The following WDR73 variants were observed in gnomAD, a reference collection of about 807,000 sequenced individuals.
The protein encoded by WDR73 is integrator complex assembly factor WDR73.
Under a neutral mutation model 38.2 loss-of-function variants are expected in WDR73, and 30 were observed. The observed-to-expected ratio is 0.79, with a 90% CI of 0.59 to 1.06. WDR73 has a LOEUF of 1.06. WDR73 is among the 50% of genes least tolerant of loss of function. The pLI, the probability that WDR73 is intolerant of heterozygous loss-of-function variation, is 0.00. For missense variants in WDR73, 487 were observed against 467.0 expected (o/e 1.04, Z -0.40); for synonymous variants, 197 against 176.0 (o/e 1.12, Z -0.94).
At chr15:84,646,707 A>T (rs984980140) in intron 5 of WDR73, 1 of 205,680 alleles carries the variant, frequency 4.9e-6, no homozygotes, top group African/African-American at 2.3e-5. Context: ...GCGACAAGAA[A>T]CAGGTACAGA....
In WDR73 at chr15:84,652,821, G is replaced by GTT; in HGVS notation, c.110-20_110-19insAA. ...AAGACTCCTGGAAAAAGAAGCAGAG[G>GTT]TAGCTGTCACAAATTGTTAGAAAGA... On this transcript the variant is annotated intron_variant, in intron 2 of 7. Transcript: ENST00000434634. The GTT allele has an allele frequency of 6.8e-7, 1 of 1,463,454 alleles. No homozygotes were observed. Among genetic ancestry groups the GTT allele is most frequent in the Non-Finnish European group, 9.2e-7 (1 of 1,089,128 alleles). 90.7% of individuals were successfully genotyped at this position (1,463,454 alleles called of 1,614,324 possible).
At chr15:84,648,768 T>A (rs1197566754) in intron 3 of WDR73, 143 bp from the exon 4 acceptor site, 3 of 661,244 alleles carry the variant, frequency 4.5e-6, no homozygotes, top group African/African-American at 3.6e-5. Context: ...GTCCTGGTAT[T>A]TGGCAATGTT....
At chr15:84,651,230 G>A (rs1896614501) in intron 3 of WDR73, among the ~76,000 whole-genome samples, 1 of 152,074 alleles carries the variant, frequency 6.6e-6, no homozygotes, top group African/African-American at 2.4e-5. Flanking sequence ...TTCGAGACCA[G>A]CCTGGCCAAC....
At chr15:84,648,658 G>C (rs755659280) in intron 3 of WDR73, 33 bp from the exon 4 acceptor site, 2 of 1,528,848 alleles carry the variant, frequency 1.3e-6, no homozygotes, top group African/African-American at 2.7e-5. Flanking sequence ...ATCAGAGCCA[G>C]CTCTTCAAAT....
chr15:84,649,886 G>C (rs1896573229), intron 3 of WDR73, among the ~76,000 whole-genome samples: 1 of 152,170 alleles, frequency 6.6e-6, no homozygotes, highest in South Asian at 2.1e-4. Flanking sequence ...TGGGATTACA[G>C]GTGTGAGTCA....
chr15:84,652,524 G>A (rs1896656053), intron 3 of WDR73, among the ~76,000 whole-genome samples, 190 bp downstream of exon 3: 1 of 152,122 alleles, frequency 6.6e-6, no homozygotes, highest in East Asian at 1.9e-4. Flanking sequence ...ATAGCCCTCT[G>A]TAAACCACGA....
At chr15:84,643,764 AT>A (rs1896350608) in intron 7 of WDR73, 41 bp from the exon 8 acceptor site, 6 of 1,531,738 alleles carry the variant, frequency 3.9e-6, no homozygotes, top group Non-Finnish European at 5.2e-6. Context: ...TGAGTCCCTA[AT>A]TTTATTTTAA....
chr15:84,647,802 CCTT>C (rs1346899850), intron 5 of WDR73, 85 bp downstream of exon 5: 10 of 1,322,376 alleles, frequency 7.6e-6, no homozygotes, highest in Admixed American at 3.4e-5. Context: ...GCCTGAGTCT[CCTT>C]CTTAACTGGC....
At position 84,653,712 on chromosome 15, in the gene WDR73, G is replaced by C; in HGVS notation, c.42-13C>G. The stretch of plus-strand genomic sequence containing the variant: ...GAAATCCTGGTACCTGCACAAAAGG[G>C]ACACAGAATCACACGATGCACAGCA... On this transcript the variant is annotated splice_polypyrimidine_tract_variant and intron_variant, in intron 1 of 7. Transcript: ENST00000434634. 6.3e-7 allele frequency: 1 copy of C among 1,580,074 alleles called. No individual in the cohort carries two copies. Among genetic ancestry groups the C allele is most frequent in the Non-Finnish European group, 8.6e-7 (1 of 1,161,400 alleles).
chr15:84,648,698 G>C, intron 3 of WDR73, 73 bp from the exon 4 acceptor site: 2 of 1,229,836 alleles, frequency 1.6e-6, no homozygotes, highest in South Asian at 2.4e-5. Context: ...TAAGTGAGGA[G>C]TCAGGTCCTA....
chr15:84,645,198 T>TC, intron 7 of WDR73: 1 of 1,322,656 alleles, frequency 7.6e-7, no homozygotes, highest in Non-Finnish European at 9.7e-7. Context: ...CCGATGTCTG[T>TC]CCCAGTGTCT....
intron 3 of WDR73, among the ~76,000 whole-genome samples, chr15:84,649,536 C>T (rs1236689395): frequency 6.6e-6 from 1 of 150,850 alleles, no homozygotes; most frequent in Non-Finnish European, 1.5e-5. Flanking sequence ...GTGGCGTGAT[C>T]TTGGCTCACT....
At chr15:84,645,412 C>T in intron 7 of WDR73, 59 bp downstream of exon 7, 1 of 1,599,162 alleles carries the variant, frequency 6.3e-7, no homozygotes, top group African/African-American at 1.3e-5. Flanking sequence ...TCCTGAGCAC[C>T]CAACAGTCTC....
At chr15:84,644,053 T>A (rs564877465) in intron 7 of WDR73, 1 of 274,132 alleles carries the variant, frequency 3.6e-6, no homozygotes, top group South Asian at 4.2e-5. Flanking sequence ...ACCATGAGCA[T>A]CCGTTGTGCA....
intron 7 of WDR73, chr15:84,645,190 G>C: frequency 3.9e-6 from 5 of 1,289,316 alleles, no homozygotes; most frequent in Non-Finnish European, 5.0e-6. Context: ...GACCCAGCCC[G>C]ATGTCTGTCC....
rs7169629 is a variant in WDR73 at position 84,648,043 on chromosome 15, C to G, written c.288-89G>C. On this transcript the variant is annotated intron_variant, in intron 4 of 7. Coordinates refer to ENST00000434634, the MANE Select transcript of WDR73 (RefSeq NM_032856.5). ...TTTCCAGCACACTTAGCTTGGGACT[C>G]CACTTCCCATATCAGGACATCTTAC... is the stretch of plus-strand genomic sequence containing the variant. 0.5 allele frequency: 568,489 copies of G among 1,127,786 alleles called. 147,152 individuals carry two copies. Among genetic ancestry groups the G allele is most frequent in the East Asian group, 0.83 (35,063 of 42,430 alleles). 69.9% of individuals were successfully genotyped at this position (1,127,786 alleles called of 1,614,324 possible).
intron 6 of WDR73, 171 bp downstream of exon 6, chr15:84,646,013 G>A (rs1415773690): frequency 6.5e-7 from 1 of 1,541,530 alleles, no homozygotes; most frequent in Non-Finnish European, 8.7e-7. Flanking sequence ...CCCTGGGACT[G>A]CCTAATCCTG....
intron 7 of WDR73, chr15:84,644,490 C>G (rs1896377301): frequency 4.0e-5 from 6 of 151,504 alleles, no homozygotes. Flanking sequence ...TTCCTGTTGG[C>G]TTTTAGATAC....
At chr15:84,653,327 G>A (rs867775574) in intron 2 of WDR73, 17 of 312,734 alleles carry the variant, frequency 5.4e-5, no homozygotes, top group South Asian at 2.8e-4. Context: ...GCACCACCTC[G>A]TCCGGCTAAT....
Sources: gnomAD v4.1 joint callset for allele counts (sites outside exome capture counted in the v4.1 genomes callset) on GRCh38, gnomAD v4.1.1 for gene constraint, MANE v1.5 for transcripts, NCBI Gene and HGNC (gene_info 2026-07-23, HGNC 2026-07-21) for gene names.